The following ESR1 variants were observed in gnomAD, a reference collection of about 807,000 sequenced individuals.
ESR1 encodes the protein estrogen receptor 1.
In ESR1, 12 loss-of-function variants were observed where a neutral mutation model predicts 52.7. The observed-to-expected ratio is 0.23, with a 90% CI of 0.15 to 0.37. The LOEUF (loss-of-function observed/expected upper bound fraction) is 0.37. Ranked by LOEUF, ESR1 falls within the 10% of genes least tolerant of loss-of-function variation. The pLI is 1.00. For missense variants in ESR1, 584 were observed against 779.7 expected, an observed-to-expected ratio of 0.75 and a Z score of 2.99; for synonymous variants, 305 against 316.8, an observed-to-expected ratio of 0.96 and a Z score of 0.39.
intron 4 of ESR1, among the ~76,000 whole-genome samples, chr6:152,010,261 C>T (rs1013194067): frequency 6.6e-6 from 1 of 151,906 alleles, no homozygotes. Context: ...TCCAAGAACC[C>T]CAAGAAGAAA....
chr6:151,782,003 AG>A (rs1382347699), intron 2 of ESR1, among the ~76,000 whole-genome samples: 5 of 152,248 alleles, frequency 3.3e-5, no homozygotes, highest in African/African-American at 4.8e-5. Flanking sequence ...ACATGGGAAA[AG>A]TTCTTCATTA....
intron 2 of ESR1, among the ~76,000 whole-genome samples, chr6:151,849,867 CT>C (rs1348087289): frequency 6.7e-6 from 1 of 149,442 alleles, no homozygotes; most frequent in Non-Finnish European, 1.5e-5. Flanking sequence ...TTGTCCTCTC[CT>C]TCTGTTTTGC....
intron 4 of ESR1, among the ~76,000 whole-genome samples, chr6:152,004,429 CT>C (rs1457016373): frequency 1.3e-5 from 2 of 151,938 alleles, no homozygotes; most frequent in African/African-American, 2.4e-5. Context: ...GAGTTAGCCA[CT>C]CATCGTATTT....
chr6:151,997,117 G>T (rs1397233690), intron 4 of ESR1, among the ~76,000 whole-genome samples: 1 of 151,980 alleles, frequency 6.6e-6, no homozygotes, highest in East Asian at 1.9e-4. Flanking sequence ...CAAAAACAAT[G>T]TGTGAAGAGC....
At chr6:152,097,486 A>G (rs2050712112) in intron 7 of ESR1, among the ~76,000 whole-genome samples, 2 of 152,120 alleles carry the variant, frequency 1.3e-5, no homozygotes, top group African/African-American at 2.4e-5. Context: ...TTTCATGGCA[A>G]GTCTCCAACT....
chr6:151,800,665 G>T (rs1044364803), upstream of ESR1, among the ~76,000 whole-genome samples: 6 of 152,140 alleles, frequency 3.9e-5, no homozygotes, highest in East Asian at 1.9e-4. Flanking sequence ...AAATCACCCA[G>T]TCTATGGTAT....
In ESR1 at chr6:151,808,228, A is replaced by G. The variant is rs561015454; in HGVS notation, c.316A>G (p.Ser106Gly). The G allele has an allele frequency of 2.1e-4, 325 of 1,571,724 alleles. 1 individual carries two copies. The highest frequency in any genetic ancestry group is 1.7e-3 in the Middle Eastern group (10 of 5,850). The change falls in exon 1 of 8, where the codon AGC becomes GGC. Residue 106 changes from serine (S) to glycine (G), a missense_variant. By Grantham distance (56) the Ser-to-Gly change is moderately conservative (BLOSUM62 0). Transcript: ENST00000206249. ...GFPPLNSVSP[S>G]PLMLLHPPPQ... Reference sequence around the variant, plus strand: ...CCCCCCACTCAACAGCGTGTCTCCGAGCCCGCTGATGCTACTGCACCCGCC... The same window carrying G: ...CCCCCCACTCAACAGCGTGTCTCCGGGCCCGCTGATGCTACTGCACCCGCC...
intron 1 of ESR1, among the ~76,000 whole-genome samples, chr6:151,810,140 G>C (rs1778567657): frequency 1.3e-5 from 2 of 152,182 alleles, no homozygotes; most frequent in Non-Finnish European, 2.9e-5. Flanking sequence ...GTCAAATACA[G>C]AGGGGATCGC....
intron 1 of ESR1, among the ~76,000 whole-genome samples, chr6:151,658,159 C>T (rs893861931): frequency 6.6e-6 from 1 of 152,206 alleles, no homozygotes; most frequent in Non-Finnish European, 1.5e-5. Flanking sequence ...ACTGCAGTGT[C>T]TTGACTGCAG....
intron 3 of ESR1, among the ~76,000 whole-genome samples, chr6:151,913,715 GC>G (rs1798629609): frequency 1.3e-5 from 2 of 151,768 alleles, no homozygotes; most frequent in Non-Finnish European, 2.9e-5. Context: ...TCTGAGTCTT[GC>G]CCAGTGTGAT....
At chr6:151,675,832 C>A (rs1282145403) in intron 1 of ESR1, among the ~76,000 whole-genome samples, 2 of 152,180 alleles carry the variant, frequency 1.3e-5, no homozygotes, top group African/African-American at 2.4e-5. Context: ...CGAATTGATG[C>A]CGGAAACTGG....
At chr6:152,020,872 C>T (rs1378673325) in intron 5 of ESR1, among the ~76,000 whole-genome samples, 2 of 151,962 alleles carry the variant, frequency 1.3e-5, no homozygotes, top group African/African-American at 4.8e-5. Flanking sequence ...TGCTATGTGC[C>T]CTTAATGATC....
intron 4 of ESR1, among the ~76,000 whole-genome samples, chr6:151,963,667 G>A (rs6913030): frequency 0.023 from 3,541 of 152,176 alleles, 138 homozygotes; most frequent in African/African-American, 0.079. Flanking sequence ...TTTGCTGTGC[G>A]GAAAGCTTTT....
At chr6:151,661,761 A>T (rs558884338) in intron 1 of ESR1, among the ~76,000 whole-genome samples, 1 of 152,278 alleles carries the variant, frequency 6.6e-6, no homozygotes, top group South Asian at 2.1e-4. Flanking sequence ...TGTTCTCATG[A>T]CAGAGAGTAA....
At chr6:151,852,837 G>A (rs1583681461) in intron 2 of ESR1, among the ~76,000 whole-genome samples, 1 of 151,892 alleles carries the variant, frequency 6.6e-6, no homozygotes, top group South Asian at 2.1e-4. Context: ...CATATGAGCT[G>A]TCATGTAATT....
At chr6:151,947,550 T>C (rs2035844937) in intron 4 of ESR1, among the ~76,000 whole-genome samples, 1 of 152,214 alleles carries the variant, frequency 6.6e-6, no homozygotes, top group South Asian at 2.1e-4. Flanking sequence ...TAGAAGTGCT[T>C]CTTTCTTCTT....
chr6:151,825,910 CAAAAAAAA>C (rs3996305), intron 1 of ESR1, among the ~76,000 whole-genome samples: 1 of 78,122 alleles, frequency 1.3e-5, no homozygotes, highest in Non-Finnish European at 2.5e-5. Context: ...GACTCCATCT[CAAAAAAAA>C]AAAAAAAAAA....
intron 1 of ESR1, among the ~76,000 whole-genome samples, chr6:151,830,000 A>ATG (rs375153014): frequency 2.0e-3 from 311 of 152,178 alleles, no homozygotes; most frequent in African/African-American, 7.2e-3. Flanking sequence ...AATTCTGGAC[A>ATG]TGTGTGTGTG....
intron 4 of ESR1, among the ~76,000 whole-genome samples, chr6:151,993,738 C>T (rs563001738): frequency 3.9e-5 from 6 of 152,272 alleles, no homozygotes; most frequent in African/African-American, 1.4e-4. Context: ...GTGTTACTGT[C>T]CTCATTGCAC....
Sources: gnomAD v4.1 joint callset for allele counts (sites outside exome capture counted in the v4.1 genomes callset) on GRCh38, gnomAD v4.1.1 for gene constraint, MANE v1.5 for transcripts, NCBI Gene and HGNC (gene_info 2026-07-23, HGNC 2026-07-21) for gene names.